The following NKAIN3 variants were observed in gnomAD, a reference collection of about 807,000 sequenced individuals.
NKAIN3 encodes the protein sodium/potassium transporting ATPase interacting 3.
NKAIN3 carries 25 observed loss-of-function variants against 30.2 expected under a neutral mutation model. The observed-to-expected ratio is 0.83, with a 90% CI of 0.60 to 1.16. The LOEUF is 1.16. Among genes scored for constraint, NKAIN3 ranks in the 50% most tolerant of loss-of-function variants. The pLI, the probability that NKAIN3 is intolerant of heterozygous loss-of-function variation, is 0.00. For missense variants in NKAIN3, 225 were observed against 254.1 expected (o/e 0.89, Z 0.78); for synonymous variants, 91 against 89.6 (o/e 1.02, Z -0.09).
At chr8:62,821,549 T>C (rs534918887) in intron 4 of NKAIN3, among the ~76,000 whole-genome samples, 10 of 152,282 alleles carry the variant, frequency 6.6e-5, no homozygotes, top group African/African-American at 2.4e-4. Context: ...AGAAACAGAA[T>C]TTGGAAGACA....
chr8:62,784,318 G>C (rs924522207), intron 4 of NKAIN3, among the ~76,000 whole-genome samples: 1 of 151,618 alleles, frequency 6.6e-6, no homozygotes, highest in African/African-American at 2.4e-5. Context: ...AAAAACAACA[G>C]GAAAAAATCA....
At chr8:62,544,295 A>T (rs1436860186) in intron 1 of NKAIN3, among the ~76,000 whole-genome samples, 1 of 152,096 alleles carries the variant, frequency 6.6e-6, no homozygotes, top group Non-Finnish European at 1.5e-5. Context: ...GAGCCACTGA[A>T]TCCAGACTTG....
At chr8:62,598,886 A>G (rs568267383) in intron 3 of NKAIN3, among the ~76,000 whole-genome samples, 1 of 152,104 alleles carries the variant, frequency 6.6e-6, no homozygotes, top group South Asian at 2.1e-4. Context: ...CCTGCTCACT[A>G]TTTAAATTAC....
intron 4 of NKAIN3, among the ~76,000 whole-genome samples, chr8:62,872,761 A>G (rs1820685432): frequency 1.3e-5 from 2 of 152,212 alleles, no homozygotes; most frequent in Admixed American, 6.5e-5. Flanking sequence ...ATATCCAGCC[A>G]AATTAAGCTT....
At chr8:62,807,826 A>G (rs2130708114) in intron 4 of NKAIN3, among the ~76,000 whole-genome samples, 1 of 150,258 alleles carries the variant, frequency 6.7e-6, no homozygotes, top group Admixed American at 6.6e-5. Context: ...CATGCTCTAT[A>G]TGATAAATAC....
chr8:62,360,056 C>T (rs1372746401), intron 1 of NKAIN3, among the ~76,000 whole-genome samples: 1 of 152,336 alleles, frequency 6.6e-6, no homozygotes, highest in East Asian at 1.9e-4. Flanking sequence ...GACAGTCTCT[C>T]TCCAAATGCT....
At chr8:62,288,243 T>G (rs1349230870) in intron 1 of NKAIN3, among the ~76,000 whole-genome samples, 1 of 151,122 alleles carries the variant, frequency 6.6e-6, no homozygotes, top group East Asian at 1.9e-4. Flanking sequence ...TCCTTTCTTT[T>G]TATCTTTTTT....
chr8:62,868,810 G>A (rs1053319353), intron 4 of NKAIN3, among the ~76,000 whole-genome samples: 4 of 152,194 alleles, frequency 2.6e-5, no homozygotes. Context: ...TGCCTTATGA[G>A]AACATCATGC....
Position 62,722,264 on chromosome 8 carries a change from A to T in NKAIN3, c.274-24668A>T, listed in dbSNP as rs75138391. Among the ~76,000 whole-genome samples the T allele has an allele frequency of 2.9e-3, 444 of 152,334 alleles. 2 individuals are homozygous for T. The highest frequency in any genetic ancestry group is 0.01 in the African/African-American group (422 of 41,584). ...GCCTTGCTTCATTTAAGGAAATTCA[A>T]GTTGTTGAGATTAATCTTTGCCAGT... On this transcript the variant is annotated intron_variant, in intron 3 of 6. Transcript: ENST00000623646.
intron 5 of NKAIN3, among the ~76,000 whole-genome samples, chr8:62,947,948 G>T: frequency 6.6e-6 from 1 of 152,188 alleles, no homozygotes. Flanking sequence ...GCCAATACAT[G>T]AGCAAAACAA....
chr8:62,468,810 C>T (rs10504348), intron 1 of NKAIN3, among the ~76,000 whole-genome samples: 29,069 of 151,954 alleles, frequency 0.19, 2,942 homozygotes, highest in African/African-American at 0.24. Flanking sequence ...CTGGAAGTAA[C>T]TGGCATCATC....
At chr8:62,410,787 A>G (rs1183169491) in intron 1 of NKAIN3, among the ~76,000 whole-genome samples, 1 of 152,182 alleles carries the variant, frequency 6.6e-6, no homozygotes, top group Non-Finnish European at 1.5e-5. Context: ...TCCTGAAAAC[A>G]CATAATGTCC....
intron 2 of NKAIN3, among the ~76,000 whole-genome samples, chr8:62,581,431 G>A (rs1214652509): frequency 1.3e-5 from 2 of 152,140 alleles, no homozygotes. Context: ...GAAGCTATAG[G>A]TAAACACCAG....
chr8:62,946,090 A>C (rs932158549), intron 5 of NKAIN3, among the ~76,000 whole-genome samples: 1 of 152,188 alleles, frequency 6.6e-6, no homozygotes, highest in African/African-American at 2.4e-5. Flanking sequence ...TCAATTTCAC[A>C]TGCCTTCTGA....
At chr8:62,672,591 T>C (rs927703062) in intron 3 of NKAIN3, among the ~76,000 whole-genome samples, 5 of 152,192 alleles carry the variant, frequency 3.3e-5, no homozygotes, top group South Asian at 2.1e-4. Flanking sequence ...TATAGTCAGA[T>C]GTCCTCACCT....
chr8:62,360,960 G>T (rs1225072277), intron 1 of NKAIN3, among the ~76,000 whole-genome samples: 1 of 151,130 alleles, frequency 6.6e-6, no homozygotes, highest in Non-Finnish European at 1.5e-5. Context: ...TATTATGAAA[G>T]AGGGAATGAG....
intron 1 of NKAIN3, among the ~76,000 whole-genome samples, chr8:62,570,003 T>C (rs191458796): frequency 1.7e-4 from 26 of 152,364 alleles, no homozygotes; most frequent in African/African-American, 6.0e-4. Context: ...AAAGTATCGT[T>C]TGATCAAATG....
intron 1 of NKAIN3, among the ~76,000 whole-genome samples, chr8:62,321,541 TC>T (rs1426105101): frequency 6.6e-6 from 1 of 152,204 alleles, no homozygotes; most frequent in Non-Finnish European, 1.5e-5. Context: ...TAGTTTTCCT[TC>T]TAACAGTCAG....
chr8:62,665,934 G>A (rs576764836), intron 3 of NKAIN3, among the ~76,000 whole-genome samples: 5 of 152,232 alleles, frequency 3.3e-5, no homozygotes, highest in Middle Eastern at 3.4e-3. Flanking sequence ...ATCAGAATTC[G>A]GCTGGGCACA....
Sources: allele counts gnomAD v4.1 joint callset (sites outside exome capture counted in the v4.1 genomes callset), GRCh38; gene constraint gnomAD v4.1.1; transcripts MANE v1.5; gene names NCBI Gene and HGNC (gene_info 2026-07-23, HGNC 2026-07-21).